ZBTB16: variants seen among roughly 807,000 people sequenced by gnomAD.
ZBTB16 encodes the protein zinc finger and BTB domain-containing protein 16.
ZBTB16 carries 8 observed loss-of-function variants against 56.8 expected under a neutral mutation model. The observed-to-expected ratio is 0.14, with a 90% CI of 0.08 to 0.25. The LOEUF (loss-of-function observed/expected upper bound fraction) is 0.25. Among genes scored for constraint, ZBTB16 ranks in the 10% least tolerant of loss-of-function variants. The probability of loss-of-function intolerance (pLI) is 1.00; values close to 1 mark genes in which losing one functional copy is unlikely to be tolerated. For missense variants in ZBTB16, 625 were observed against 903.0 expected (o/e 0.69, Z 3.95); for synonymous variants, 363 against 368.5 (o/e 0.98, Z 0.17).
chr11:114,243,846 C>T lies in ZBTB16; in HGVS notation c.1624+1509C>T, dbSNP rs78332564. 9.1e-3 allele frequency among the ~76,000 whole-genome samples: 1,390 copies of T among 152,276 alleles called. 16 individuals are homozygous for T. The highest frequency in any genetic ancestry group is 0.032 in the African/African-American group (1,319 of 41,542). ...TCCTGCTAAATCCACCCAGGATGTG[C>T]CCTGCTCTGACCATGCCACCTTCTC... is the stretch of plus-strand genomic sequence containing the variant. On this transcript the variant is annotated intron_variant, in intron 5 of 6. Coordinates refer to ENST00000335953, the MANE Select transcript of ZBTB16 (RefSeq NM_006006.6).
rs1440064870 is a variant in ZBTB16, at chr11:114,254,486, G to T, written c.*3931G>T. ...GTACAATTGCTGTGGATGGAAGAGG[G>T]CCATTGAGCTTACCTCCCTATAGGG... On this transcript the variant is annotated 3_prime_UTR_variant, in exon 7 of 7. Transcript: ENST00000335953. 6.6e-6 allele frequency among the ~76,000 whole-genome samples: 1 copy of T among 152,214 alleles called. No individual in the cohort carries two copies. Among genetic ancestry groups the T allele is most frequent in the Admixed American group, 6.5e-5 (1 of 15,280 alleles).
chr11:114,072,360 C>T (rs868565422), intron 2 of ZBTB16, among the ~76,000 whole-genome samples: 8 of 152,282 alleles, frequency 5.3e-5, no homozygotes, highest in South Asian at 4.1e-4. Flanking sequence ...TAAATTTAGC[C>T]GGGCAGCGCT....
chr11:114,140,780 T>C (rs1941924644), intron 2 of ZBTB16, among the ~76,000 whole-genome samples: 1 of 152,198 alleles, frequency 6.6e-6, no homozygotes, highest in Non-Finnish European at 1.5e-5. Flanking sequence ...TCCTAGGGAA[T>C]AGCAATGTCC....
chr11:114,227,166 C>T (rs1016874393), intron 4 of ZBTB16, among the ~76,000 whole-genome samples: 8 of 152,170 alleles, frequency 5.3e-5, no homozygotes, highest in Non-Finnish European at 7.3e-5. Flanking sequence ...GTGCAGCAGC[C>T]GGAGCAGCGC....
chr11:114,115,729 C>T (rs1941150903), intron 2 of ZBTB16, among the ~76,000 whole-genome samples: 1 of 152,192 alleles, frequency 6.6e-6, no homozygotes, highest in South Asian at 2.1e-4. Context: ...ACTTCCACTG[C>T]CCCTTTACAG....
intron 6 of ZBTB16, among the ~76,000 whole-genome samples, chr11:114,249,719 T>G (rs1162255985): frequency 7.7e-6 from 1 of 130,656 alleles, no homozygotes; most frequent in Non-Finnish European, 1.5e-5. Context: ...GAGCCGAGAT[T>G]GCGCCACTGC....
chr11:114,199,352 C>T (rs11819888), intron 4 of ZBTB16, among the ~76,000 whole-genome samples: 115 of 147,200 alleles, frequency 7.8e-4, no homozygotes, highest in African/African-American at 2.8e-3. Flanking sequence ...CGCTGGGCCC[C>T]GGGACGGGGC....
chr11:114,124,557 C>CAAAAAAAAAAAAAAAAAAAAAACAA (rs1381254014), intron 2 of ZBTB16, among the ~76,000 whole-genome samples: 1 of 41,062 alleles, frequency 2.4e-5, no homozygotes, highest in African/African-American at 1.1e-4. Context: ...AAAAAAAAAC[C>CAAAAAAAAAAAAAAAAAAAAAACAA]AAAAAAAAAA....
chr11:114,196,299 A>G (rs1268281724), intron 4 of ZBTB16, among the ~76,000 whole-genome samples: 1 of 152,184 alleles, frequency 6.6e-6, no homozygotes, highest in African/African-American at 2.4e-5. Flanking sequence ...AGGGTCCTGA[A>G]CCATGTCTGC....
chr11:114,234,662 A>G (rs898520632), intron 4 of ZBTB16, among the ~76,000 whole-genome samples: 22 of 152,222 alleles, frequency 1.4e-4, no homozygotes, highest in Non-Finnish European at 4.4e-5. Flanking sequence ...ATGATAGCAC[A>G]GGGGAAGTCA....
chr11:114,213,970 G>A lies in ZBTB16; in HGVS notation c.1453+26932G>A, dbSNP rs147719940. On this transcript the variant is annotated intron_variant, in intron 4 of 6. Coordinates refer to ENST00000335953, the MANE Select transcript of ZBTB16 (RefSeq NM_006006.6). ...AGTTGTAGAGCTTCCTGATGCTGGC[G>A]CTCATGTTTTGTTTTGTCTTTTCCT... Among the ~76,000 whole-genome samples, 540 of 152,198 alleles carry A rather than the reference G, an allele frequency of 3.5e-3. 1 individual carries two copies. The highest frequency in any genetic ancestry group is 0.01 in the Middle Eastern group (3 of 294).
Position 114,063,228 on chromosome 11 carries a change from G to A in ZBTB16, c.-73G>A. The A allele has an allele frequency of 6.4e-7, 1 of 1,563,078 alleles. No individual in the cohort carries two copies. ...TCTCCTAGCCTCCTCTATTGGCCCA[G>A]GAAGCCCACCCAGCCCCGCCACGCA... On this transcript the variant is annotated 5_prime_UTR_variant, in exon 2 of 7. Transcript: ENST00000335953. This position sits in a 1 kb window ranked among gnomAD's most constrained non-coding sequence, Gnocchi z 6.5.
At chr11:114,210,162 AGTGTGTGTGTGTGTGTGT>A (rs139074973) in intron 4 of ZBTB16, among the ~76,000 whole-genome samples, 8 of 134,642 alleles carry the variant, frequency 5.9e-5, no homozygotes, top group Non-Finnish European at 1.3e-4. Flanking sequence ...AGCCAAAGCT[AGTGTGTGTGTGTGTGTGT>A]GTGTGTGTGT....
intron 4 of ZBTB16, among the ~76,000 whole-genome samples, chr11:114,200,685 G>A (rs140695609): frequency 6.7e-4 from 102 of 152,206 alleles, no homozygotes; most frequent in African/African-American, 2.3e-3. Flanking sequence ...CCCCACATCC[G>A]AGTCCTGAAT....
chr11:114,100,890 C>T (rs191753313), intron 2 of ZBTB16, among the ~76,000 whole-genome samples: 33 of 151,944 alleles, frequency 2.2e-4, no homozygotes, highest in African/African-American at 6.5e-4. Context: ...TCTAGACAGC[C>T]CCTAGTATGG....
At chr11:114,187,469 T>A (rs987187722) in intron 4 of ZBTB16, 2 of 250,116 alleles carry the variant, frequency 8.0e-6, no homozygotes, top group Non-Finnish European at 1.6e-5. Context: ...AGCTGAGACA[T>A]TGTCTAAAAT....
rs997042073 is a variant in ZBTB16 at position 114,252,735 on chromosome 11, C to A, written c.*2180C>A. 1.3e-4 allele frequency among the ~76,000 whole-genome samples: 20 copies of A among 152,068 alleles called. No homozygotes were observed. Among genetic ancestry groups the A allele is most frequent in the African/African-American group, 4.8e-4 (20 of 41,406 alleles). Reference sequence around the variant, plus strand: ...GAAGCGGTTTTGGGGAGAAGGATCACGAGGAATGTAGGGAAGCCGGAGGGA... The same window carrying A: ...GAAGCGGTTTTGGGGAGAAGGATCAAGAGGAATGTAGGGAAGCCGGAGGGA... On this transcript the variant is annotated 3_prime_UTR_variant, in exon 7 of 7. Coordinates refer to ENST00000335953, the MANE Select transcript of ZBTB16 (RefSeq NM_006006.6).
intron 2 of ZBTB16, among the ~76,000 whole-genome samples, chr11:114,116,555 G>T (rs930027221): frequency 6.6e-6 from 1 of 152,084 alleles, no homozygotes; most frequent in Admixed American, 6.6e-5. Context: ...TTAAAGCTAG[G>T]TCCTGTCCAC....
rs549751488 is a variant in ZBTB16, at chr11:114,199,303, G to A, written c.1453+12265G>A. ...AGGGACGGGGATGCCGGACATGGAT[G>A]CCGCTGGGCCCCGGGATGGGGATGC... On this transcript the variant is annotated intron_variant, in intron 4 of 6. Transcript: ENST00000335953. Among the ~76,000 whole-genome samples, 7 of 151,390 alleles carry A rather than the reference G, an allele frequency of 4.6e-5. No individual in the cohort carries two copies. The South Asian group carries it at 1.5e-3, about 32-fold the overall frequency.
Sources: allele counts gnomAD v4.1 joint callset (sites outside exome capture counted in the v4.1 genomes callset), GRCh38; gene constraint gnomAD v4.1.1; non-coding constraint Gnocchi (gnomAD v3.1); transcripts MANE v1.5; gene names NCBI Gene and HGNC (gene_info 2026-07-23, HGNC 2026-07-21).